The following NMT2 variants were observed in gnomAD, a reference collection of about 807,000 sequenced individuals.
NMT2 encodes the protein N-myristoyltransferase 2.
Under a neutral mutation model 65.4 loss-of-function variants are expected in NMT2, and 35 were observed. The ratio of observed to expected loss-of-function variants is 0.54; its 90% confidence interval spans 0.41 to 0.71. The LOEUF (loss-of-function observed/expected upper bound fraction) is 0.71, where lower values mean the gene tolerates loss of function less well. Among genes scored for constraint, NMT2 ranks in the 30% least tolerant of loss-of-function variants. The pLI is 0.00. For missense variants in NMT2, 489 were observed against 611.3 expected (o/e 0.80, Z 2.11); for synonymous variants, 226 against 231.8 (o/e 0.98, Z 0.23).
At chr10:15,122,959 T>A (rs1845972126) in intron 8 of NMT2, among the ~76,000 whole-genome samples, 1 of 151,990 alleles carries the variant, frequency 6.6e-6, no homozygotes, top group Non-Finnish European at 1.5e-5. Context: ...CTGCATAGAT[T>A]CAAAGATCTT....
At chr10:15,138,648 C>G (rs1846609433) in intron 2 of NMT2, among the ~76,000 whole-genome samples, 1 of 152,124 alleles carries the variant, frequency 6.6e-6, no homozygotes. Flanking sequence ...AGTTTTATAA[C>G]ACTAAGAAGT....
At chr10:15,116,215 A>G (rs889927793) in intron 9 of NMT2, among the ~76,000 whole-genome samples, 2 of 152,200 alleles carry the variant, frequency 1.3e-5, no homozygotes, top group Non-Finnish European at 2.9e-5. Context: ...AATAATCAAA[A>G]CCATACAGTG....
At chr10:15,157,082 T>C (rs77716849) in intron 1 of NMT2, among the ~76,000 whole-genome samples, 2,221 of 152,218 alleles carry the variant, frequency 0.015, 42 homozygotes, top group African/African-American at 0.05. Flanking sequence ...GAAAAAACTA[T>C]GGGAATTTCT....
chr10:15,155,176 C>G (rs1832950644), intron 1 of NMT2: 1 of 1,534,528 alleles, frequency 6.5e-7, no homozygotes, highest in East Asian at 2.3e-5. Flanking sequence ...AAGCAGGAAC[C>G]CTTATAACCA....
chr10:15,152,543 G>A (rs1017594178), intron 1 of NMT2, among the ~76,000 whole-genome samples: 1 of 152,178 alleles, frequency 6.6e-6, no homozygotes, highest in African/African-American at 2.4e-5. Context: ...GGGGTCTGAT[G>A]AGTCCCTGAT....
At chr10:15,154,163 G>A (rs1050352451) in intron 1 of NMT2, among the ~76,000 whole-genome samples, 62 of 152,208 alleles carry the variant, frequency 4.1e-4, no homozygotes, top group Non-Finnish European at 7.5e-4. Flanking sequence ...TGCAGGTGCT[G>A]TGGGATGACT....
In NMT2 at chr10:15,128,732, C is replaced by T. The variant is rs1269035556; in HGVS notation, c.891-274G>A. 5.9e-5 allele frequency among the ~76,000 whole-genome samples: 9 copies of T among 152,140 alleles called. No homozygotes were observed. In the East Asian group the frequency reaches 7.7e-4, roughly 13 times the overall value. ...AAAGGAAATATTAGTTGGCTGGGCACGGTGGCTCATGCCTGTAATCCCAGC... is the reference window on the plus strand; with the variant it reads ...AAAGGAAATATTAGTTGGCTGGGCATGGTGGCTCATGCCTGTAATCCCAGC... On this transcript the variant is annotated intron_variant, in intron 7 of 11. Transcript: ENST00000378165.
chr10:15,136,364 G>A (rs1846502362), intron 2 of NMT2, among the ~76,000 whole-genome samples: 2 of 147,608 alleles, frequency 1.4e-5, no homozygotes, highest in Admixed American at 6.8e-5. Flanking sequence ...AAAGGAGGGA[G>A]GGAGCGAGGG....
intron 1 of NMT2, among the ~76,000 whole-genome samples, chr10:15,166,931 A>C (rs1341709231): frequency 1.3e-5 from 2 of 152,204 alleles, no homozygotes; most frequent in African/African-American, 4.8e-5. Flanking sequence ...CCAACCTAGA[A>C]TATCAATCAA....
chr10:15,167,989 T>C (rs951371275), intron 1 of NMT2, among the ~76,000 whole-genome samples: 3 of 151,968 alleles, frequency 2.0e-5, no homozygotes, highest in South Asian at 4.1e-4. Flanking sequence ...CCCGACACCA[T>C]CGGGGCACCT....
intron 1 of NMT2, among the ~76,000 whole-genome samples, chr10:15,148,922 T>C (rs537905989): frequency 1.5e-4 from 23 of 152,192 alleles, no homozygotes; most frequent in Non-Finnish European, 3.2e-4. Flanking sequence ...ATTTCACCCA[T>C]TGATTTGGCA....
chr10:15,127,781 T>C (rs1846145436), intron 8 of NMT2, among the ~76,000 whole-genome samples: 1 of 151,150 alleles, frequency 6.6e-6, no homozygotes, highest in African/African-American at 2.4e-5. Context: ...CGGGTGCCTG[T>C]AGTCCCAGCT....
intron 1 of NMT2, among the ~76,000 whole-genome samples, chr10:15,150,824 G>A (rs1832776088): frequency 6.6e-6 from 1 of 152,144 alleles, no homozygotes; most frequent in South Asian, 2.1e-4. Context: ...CTAGACAATG[G>A]CTGAACAATA....
At chr10:15,167,687 A>T (rs972867703) in intron 1 of NMT2, among the ~76,000 whole-genome samples, 1 of 152,236 alleles carries the variant, frequency 6.6e-6, no homozygotes, top group African/African-American at 2.4e-5. Context: ...ACCTGAAGCA[A>T]TCCTTTTCTC....
intron 2 of NMT2, among the ~76,000 whole-genome samples, chr10:15,140,281 CCTAA>C (rs984038155): frequency 6.6e-6 from 1 of 152,048 alleles, no homozygotes; most frequent in Admixed American, 6.6e-5. Context: ...TGCCACCGTG[CCTAA>C]CTAACTTTTT....
chr10:15,129,936 A>C (rs1846218377), intron 7 of NMT2, among the ~76,000 whole-genome samples: 1 of 150,900 alleles, frequency 6.6e-6, no homozygotes, highest in Non-Finnish European at 1.5e-5. Flanking sequence ...AAAAGTATAG[A>C]TCCAGCATCA....
At position 15,108,553 on chromosome 10, in the gene NMT2, G is replaced by A; in HGVS notation, c.*642C>T. ...TGCTTTTGAAGCAATCCACTGACCT[G>A]GTAAAGATCAAAGTACAAACTTGCA... On this transcript the variant is annotated 3_prime_UTR_variant, in exon 12 of 12. Coordinates refer to ENST00000378165, the MANE Select transcript of NMT2 (RefSeq NM_004808.3). 2.0e-6 allele frequency: 2 copies of A among 985,924 alleles called. No homozygotes were observed. Among genetic ancestry groups the A allele is most frequent in the Non-Finnish European group, 2.4e-6 (2 of 830,344 alleles). The allele number at this position is 985,924 out of a possible 1,614,324, so 61.1% of individuals were successfully genotyped here.
At chr10:15,160,862 G>T (rs1466431284) in intron 1 of NMT2, among the ~76,000 whole-genome samples, 7 of 151,960 alleles carry the variant, frequency 4.6e-5, no homozygotes, top group African/African-American at 1.4e-4. Context: ...AAAAATGCCA[G>T]AAGCTTCTAG....
At chr10:15,151,023 A>G (rs190978238) in intron 1 of NMT2, among the ~76,000 whole-genome samples, 239 of 150,274 alleles carry the variant, frequency 1.6e-3, no homozygotes, top group Non-Finnish European at 3.1e-3. Flanking sequence ...CATATTTGAA[A>G]TGTGGGAATG....
Sources: gnomAD v4.1 joint callset for allele counts (sites outside exome capture counted in the v4.1 genomes callset) on GRCh38, gnomAD v4.1.1 for gene constraint, MANE v1.5 for transcripts, NCBI Gene and HGNC (gene_info 2026-07-23, HGNC 2026-07-21) for gene names.